The following MGMT variants were observed in gnomAD, a reference collection of about 807,000 sequenced individuals.
The protein encoded by MGMT is methylated-DNA--protein-cysteine methyltransferase.
In MGMT, 14 loss-of-function variants were observed where a neutral mutation model predicts 15.9. That is an observed-to-expected ratio of 0.88 (90% CI 0.58 to 1.37). The LOEUF (loss-of-function observed/expected upper bound fraction) is 1.37. Ranked by LOEUF, MGMT falls within the 40% of genes most tolerant of loss-of-function variation. MGMT has a pLI of 0.00. For missense variants in MGMT, 282 were observed against 268.1 expected (o/e 1.05, Z -0.36); for synonymous variants, 130 against 118.2 (o/e 1.10, Z -0.65).
chr10:129,527,778 C>T (rs1250228859), intron 1 of MGMT, among the ~76,000 whole-genome samples: 1 of 152,114 alleles, frequency 6.6e-6, no homozygotes, highest in Non-Finnish European at 1.5e-5. Context: ...CATCCCAGGA[C>T]TTGGCCCTCA....
At chr10:129,625,487 C>A (rs1356573087) in intron 2 of MGMT, among the ~76,000 whole-genome samples, 2 of 152,162 alleles carry the variant, frequency 1.3e-5, no homozygotes, top group African/African-American at 4.8e-5. Context: ...ATTAGAATGT[C>A]AATTTTACAA....
At chr10:129,579,930 G>A (rs780819704) in intron 2 of MGMT, among the ~76,000 whole-genome samples, 5 of 152,198 alleles carry the variant, frequency 3.3e-5, no homozygotes, top group Non-Finnish European at 2.9e-5. Flanking sequence ...AGAGGGCACC[G>A]CAGCCACCCA....
intron 2 of MGMT, among the ~76,000 whole-genome samples, chr10:129,655,910 G>A (rs911563192): frequency 6.6e-6 from 1 of 152,206 alleles, no homozygotes; most frequent in African/African-American, 2.4e-5. Flanking sequence ...GAACGTGGAT[G>A]AGAAGTTCCA....
chr10:129,610,235 C>T (rs1439655846), intron 2 of MGMT, among the ~76,000 whole-genome samples: 1 of 152,170 alleles, frequency 6.6e-6, no homozygotes, highest in Non-Finnish European at 1.5e-5. Context: ...CTAACAATTG[C>T]ACCTTATTCT....
chr10:129,749,802 A>G (rs1283234661), intron 3 of MGMT, among the ~76,000 whole-genome samples: 1 of 152,058 alleles, frequency 6.6e-6, no homozygotes, highest in Admixed American at 6.6e-5. Flanking sequence ...CACTGTTTGG[A>G]TTTTTAGCCA....
chr10:129,517,185 C>T (rs1409123639), intron 1 of MGMT, among the ~76,000 whole-genome samples: 1 of 152,218 alleles, frequency 6.6e-6, no homozygotes, highest in Non-Finnish European at 1.5e-5. Context: ...TTCTGGTGCT[C>T]CGCCCATGGC....
intron 3 of MGMT, among the ~76,000 whole-genome samples, chr10:129,746,726 A>G (rs1228835886): frequency 3.9e-5 from 6 of 152,172 alleles, no homozygotes; most frequent in Admixed American, 3.3e-4. Context: ...CTTTGCAAAT[A>G]CATAATTATT....
intron 2 of MGMT, among the ~76,000 whole-genome samples, chr10:129,609,936 G>A (rs1281532495): frequency 1.3e-5 from 2 of 152,202 alleles, no homozygotes; most frequent in African/African-American, 4.8e-5. Flanking sequence ...AAGTGCAGAA[G>A]CATCGAGATG....
intron 3 of MGMT, among the ~76,000 whole-genome samples, chr10:129,735,186 G>T (rs1484498643): frequency 6.6e-6 from 1 of 152,104 alleles, no homozygotes; most frequent in Admixed American, 6.5e-5. Context: ...GAATCCATCT[G>T]GTCCTGGACT....
intron 2 of MGMT, among the ~76,000 whole-genome samples, chr10:129,706,455 G>A (rs958751276): frequency 1.3e-5 from 2 of 152,220 alleles, no homozygotes; most frequent in African/African-American, 4.8e-5. Context: ...AAGGAAGGGT[G>A]AAGGGCCCGC....
intron 2 of MGMT, among the ~76,000 whole-genome samples, chr10:129,623,471 G>C (rs1027090592): frequency 9.9e-5 from 15 of 152,092 alleles, no homozygotes; most frequent in African/African-American, 3.6e-4. Context: ...AGATCAGCCC[G>C]TGCCTGGCAT....
chr10:129,510,324 T>C (rs1199690739), intron 1 of MGMT, among the ~76,000 whole-genome samples: 3 of 152,100 alleles, frequency 2.0e-5, no homozygotes, highest in Admixed American at 2.0e-4. Context: ...ATGGGTGAAA[T>C]GTTGGAAGAT....
At chr10:129,506,800 C>T (rs1280450782) in intron 1 of MGMT, among the ~76,000 whole-genome samples, 1 of 152,134 alleles carries the variant, frequency 6.6e-6, no homozygotes, top group Non-Finnish European at 1.5e-5. Flanking sequence ...CTTAATCTAC[C>T]CCCTTTAAAC....
At chr10:129,529,911 T>C (rs1589852468) in intron 1 of MGMT, among the ~76,000 whole-genome samples, 2 of 151,178 alleles carry the variant, frequency 1.3e-5, no homozygotes, top group East Asian at 3.9e-4. Context: ...TTTTTCTTTC[T>C]TTTTGTGGGG....
At chr10:129,483,150 T>C (rs1414108417) in intron 1 of MGMT, among the ~76,000 whole-genome samples, 2 of 152,228 alleles carry the variant, frequency 1.3e-5, no homozygotes, top group African/African-American at 4.8e-5. Context: ...TCATGTGATA[T>C]AATACAACTT....
At chr10:129,590,757 C>T (rs1422068164) in intron 2 of MGMT, among the ~76,000 whole-genome samples, 1 of 152,220 alleles carries the variant, frequency 6.6e-6, no homozygotes. Context: ...CCACAGTTTA[C>T]TGGCACTTTA....
Position 129,566,060 on chromosome 10 carries a change from G to C in MGMT, c.125+29683G>C, listed in dbSNP as rs1271159640. Among the ~76,000 whole-genome samples the C allele has an allele frequency of 6.6e-6, 1 of 152,200 alleles. No homozygotes were observed. Among genetic ancestry groups the C allele is most frequent in the Non-Finnish European group, 1.5e-5 (1 of 68,030 alleles). ...CTCTTGCAGCTCTGTTCCTTCTTCAGCTCCTCTGGTCATTCACACGTGGCC... is the reference window on the plus strand; with the variant it reads ...CTCTTGCAGCTCTGTTCCTTCTTCACCTCCTCTGGTCATTCACACGTGGCC... On this transcript the variant is annotated intron_variant, in intron 2 of 4. Transcript: ENST00000651593. This position sits in a 1 kb window ranked among gnomAD's most constrained non-coding sequence, Gnocchi z 4.1.
intron 3 of MGMT, among the ~76,000 whole-genome samples, chr10:129,754,641 C>T (rs1484706313): frequency 1.3e-5 from 2 of 152,224 alleles, no homozygotes; most frequent in Non-Finnish European, 1.5e-5. Flanking sequence ...TTATTGGGCT[C>T]ACAGCTCTGG....
Position 129,564,889 on chromosome 10 carries a change from G to T in MGMT, c.125+28512G>T, listed in dbSNP as rs71476169. Among the ~76,000 whole-genome samples, 4 of 151,884 alleles carry T rather than the reference G, an allele frequency of 2.6e-5. No homozygotes were observed. In the East Asian group the frequency reaches 7.8e-4, roughly 30 times the overall value. On this transcript the variant is annotated intron_variant, in intron 2 of 4. Coordinates refer to ENST00000651593, the MANE Select transcript of MGMT (RefSeq NM_002412.5). ...ACTGAGCAGAACCGCCCCTCCCAGCGCCCACCTATGGCCACTGCCCTCAGG... is the reference window on the plus strand; with the variant it reads ...ACTGAGCAGAACCGCCCCTCCCAGCTCCCACCTATGGCCACTGCCCTCAGG...
Sources: allele counts gnomAD v4.1 joint callset (sites outside exome capture counted in the v4.1 genomes callset), GRCh38; gene constraint gnomAD v4.1.1; non-coding constraint Gnocchi (gnomAD v3.1); transcripts MANE v1.5; gene names NCBI Gene and HGNC (gene_info 2026-07-23, HGNC 2026-07-21).